The following B3GLCT variants were observed in gnomAD, a reference collection of about 807,000 sequenced individuals.
B3GLCT encodes the protein beta 3-glucosyltransferase, also known as beta-1,3-glucosyltransferase.
Under a neutral mutation model 63.4 loss-of-function variants are expected in B3GLCT, and 65 were observed. The ratio of observed to expected loss-of-function variants is 1.03; its 90% CI spans 0.84 to 1.26. The LOEUF is 1.26. Ranked by LOEUF, B3GLCT falls within the 50% of genes most tolerant of loss-of-function variation. B3GLCT has a pLI of 0.00. For missense variants in B3GLCT, 577 were observed against 604.8 expected, an observed-to-expected ratio of 0.95 and a Z score of 0.48; for synonymous variants, 233 against 219.2, an observed-to-expected ratio of 1.06 and a Z score of -0.55.
chr13:31,318,853 C>T (rs755452267), intron 13 of B3GLCT, among the ~76,000 whole-genome samples: 8 of 152,138 alleles, frequency 5.3e-5, no homozygotes, highest in East Asian at 1.9e-4. Context: ...AGCATGATGG[C>T]GTTCATATAA....
intron 8 of B3GLCT, among the ~76,000 whole-genome samples, chr13:31,271,419 C>T (rs1439640635): frequency 1.3e-5 from 2 of 152,192 alleles, no homozygotes; most frequent in Admixed American, 1.3e-4. Flanking sequence ...ACAACCATTG[C>T]TTCTATGAAT....
intron 13 of B3GLCT, among the ~76,000 whole-genome samples, chr13:31,321,197 A>G (rs886889249): frequency 3.3e-5 from 5 of 152,256 alleles, no homozygotes; most frequent in African/African-American, 1.2e-4. Context: ...ACATTGACCA[A>G]TGTGATGTTC....
At chr13:31,297,024 T>C (rs972232226) in intron 12 of B3GLCT, among the ~76,000 whole-genome samples, 4 of 141,986 alleles carry the variant, frequency 2.8e-5, no homozygotes, top group African/African-American at 1.1e-4. Context: ...ATACAGTACT[T>C]GTTTTTTTTT....
At chr13:31,275,384 C>T (rs2137859146) in intron 9 of B3GLCT, among the ~76,000 whole-genome samples, 1 of 152,288 alleles carries the variant, frequency 6.6e-6, no homozygotes, top group East Asian at 1.9e-4. Flanking sequence ...TGAGGGACTG[C>T]CCACCATAGC....
intron 8 of B3GLCT, among the ~76,000 whole-genome samples, chr13:31,271,750 TTG>T (rs1173947794): frequency 6.6e-6 from 1 of 152,228 alleles, no homozygotes; most frequent in Non-Finnish European, 1.5e-5. Context: ...CATTTTACTT[TTG>T]TTTTGTCTGC....
chr13:31,308,321 T>A (rs1593311419), intron 12 of B3GLCT, among the ~76,000 whole-genome samples: 1 of 11,654 alleles, frequency 8.6e-5, no homozygotes, highest in Non-Finnish European at 3.7e-4. Context: ...ACCCTAAAAC[T>A]TAGAGTATAA....
At chr13:31,314,017 G>T (rs1397714065) in intron 12 of B3GLCT, among the ~76,000 whole-genome samples, 5 of 152,224 alleles carry the variant, frequency 3.3e-5, no homozygotes, top group East Asian at 3.9e-4. Flanking sequence ...AGCCTTGGCA[G>T]CTTCCATGTG....
intron 3 of B3GLCT, among the ~76,000 whole-genome samples, chr13:31,225,056 A>G (rs756224179): frequency 3.3e-5 from 5 of 152,158 alleles, no homozygotes; most frequent in African/African-American, 4.8e-5. Flanking sequence ...GCCACTCACC[A>G]TTGGCTTTGG....
chr13:31,234,943 G>A (rs1419954251), intron 4 of B3GLCT, among the ~76,000 whole-genome samples: 1 of 152,118 alleles, frequency 6.6e-6, no homozygotes, highest in Admixed American at 6.5e-5. Context: ...CATTAAGAGA[G>A]CCAGGACTGG....
intron 4 of B3GLCT, among the ~76,000 whole-genome samples, chr13:31,232,161 TC>T (rs1870412569): frequency 6.6e-6 from 1 of 152,196 alleles, no homozygotes; most frequent in African/African-American, 2.4e-5. Context: ...CCACCGCTCA[TC>T]CCCTTGTGCT....
intron 9 of B3GLCT, among the ~76,000 whole-genome samples, chr13:31,274,978 T>A (rs910951908): frequency 1.1e-4 from 16 of 152,248 alleles, no homozygotes; most frequent in Non-Finnish European, 1.9e-4. Flanking sequence ...TCTGCATTAA[T>A]TCACGTAGGA....
chr13:31,267,224 G>A (rs1872367243), intron 7 of B3GLCT, among the ~76,000 whole-genome samples: 1 of 152,226 alleles, frequency 6.6e-6, no homozygotes, highest in Non-Finnish European at 1.5e-5. Flanking sequence ...TTATGAAGGG[G>A]CCTATGAAAC....
At chr13:31,286,607 C>A in intron 11 of B3GLCT, 113 bp from the exon 12 acceptor site, 2 of 724,588 alleles carry the variant, frequency 2.8e-6, no homozygotes, top group South Asian at 2.0e-5. Context: ...AACTTTTAAG[C>A]TGCATTTTGG....
chr13:31,249,482 A>C (rs1346166654), intron 6 of B3GLCT, among the ~76,000 whole-genome samples: 1 of 151,960 alleles, frequency 6.6e-6, no homozygotes, highest in Non-Finnish European at 1.5e-5. Context: ...CTTGGGAAAA[A>C]CTCCCAAATC....
At chr13:31,288,066 T>C (rs995342884) in intron 12 of B3GLCT, among the ~76,000 whole-genome samples, 47 of 152,178 alleles carry the variant, frequency 3.1e-4, no homozygotes, top group African/African-American at 1.1e-3. Flanking sequence ...GAGCACATAA[T>C]TATTTAAAGA....
At chr13:31,212,764 A>G (rs1869336895) in intron 1 of B3GLCT, among the ~76,000 whole-genome samples, 1 of 152,162 alleles carries the variant, frequency 6.6e-6, no homozygotes, top group Non-Finnish European at 1.5e-5. Flanking sequence ...CAGTTTTTAT[A>G]TCTTGCAAGT....
At chr13:31,282,489 A>T (rs1019570864) in intron 10 of B3GLCT, among the ~76,000 whole-genome samples, 1 of 152,058 alleles carries the variant, frequency 6.6e-6, no homozygotes, top group African/African-American at 2.4e-5. Context: ...AAATACAAAA[A>T]AAATTAGCCG....
At chr13:31,327,132 T>C (rs1405285791) in intron 14 of B3GLCT, among the ~76,000 whole-genome samples, 1 of 152,218 alleles carries the variant, frequency 6.6e-6, no homozygotes, top group Non-Finnish European at 1.5e-5. Flanking sequence ...ATACTATGTT[T>C]TTTCTTATAT....
At chr13:31,257,026 A>T (rs761906848) in intron 6 of B3GLCT, among the ~76,000 whole-genome samples, 22 of 152,238 alleles carry the variant, frequency 1.4e-4, no homozygotes, top group Admixed American at 6.5e-4. Flanking sequence ...TCATTAAGAA[A>T]GATTGGGGAG....
Sources: gnomAD v4.1 joint callset for allele counts (sites outside exome capture counted in the v4.1 genomes callset) on GRCh38, gnomAD v4.1.1 for gene constraint, MANE v1.5 for transcripts, NCBI Gene and HGNC (gene_info 2026-07-23, HGNC 2026-07-21) for gene names.